Variants in FCHSD2 observed in about 807,000 individuals in gnomAD.
FCHSD2 encodes the protein FCH and double SH3 domains 2, also known as F-BAR and double SH3 domains protein 2.
Under a neutral mutation model 108.1 loss-of-function variants are expected in FCHSD2, and 38 were observed. The ratio of observed to expected loss-of-function variants is 0.35; its 90% CI spans 0.27 to 0.46. The LOEUF (loss-of-function observed/expected upper bound fraction) is 0.46, where lower values mean the gene tolerates loss of function less well. Among genes scored for constraint, FCHSD2 ranks in the 20% least tolerant of loss-of-function variants. FCHSD2 has a pLI of 1.00. For synonymous variants in FCHSD2, 279 were observed against 314.7 expected (o/e 0.89, Z 1.20); for missense variants, 751 against 897.8 (o/e 0.84, Z 2.09).
At chr11:72,879,397 G>C (rs1190191395) in intron 12 of FCHSD2, among the ~76,000 whole-genome samples, 1 of 152,148 alleles carries the variant, frequency 6.6e-6, no homozygotes, top group African/African-American at 2.4e-5. Flanking sequence ...TAAAAACTTA[G>C]TAGGTATTTG....
intron 8 of FCHSD2, among the ~76,000 whole-genome samples, chr11:72,953,779 T>C (rs1321797447): frequency 1.3e-5 from 2 of 152,172 alleles, no homozygotes; most frequent in African/African-American, 4.8e-5. Context: ...AGAGTCACAT[T>C]TGAGCAAAGA....
intron 3 of FCHSD2, among the ~76,000 whole-genome samples, chr11:73,036,344 T>G (rs1858497635): frequency 6.6e-6 from 1 of 151,816 alleles, no homozygotes; most frequent in South Asian, 2.1e-4. Flanking sequence ...AAACCCAAGC[T>G]TCATAATCAC....
chr11:72,868,275 A>G (rs1434772554), intron 12 of FCHSD2, among the ~76,000 whole-genome samples: 1 of 152,188 alleles, frequency 6.6e-6, no homozygotes, highest in Admixed American at 6.5e-5. Flanking sequence ...CCATGTTCTC[A>G]CTTGTAAGTG....
chr11:73,105,193 G>C (rs1860314214), intron 2 of FCHSD2, among the ~76,000 whole-genome samples: 1 of 152,116 alleles, frequency 6.6e-6, no homozygotes, highest in African/African-American at 2.4e-5. Flanking sequence ...TGGTTAGGTG[G>C]GGGGAAGACT....
chr11:73,004,839 CT>C (rs920852870), intron 4 of FCHSD2, among the ~76,000 whole-genome samples: 24 of 152,100 alleles, frequency 1.6e-4, no homozygotes, highest in African/African-American at 5.8e-4. Flanking sequence ...TTCACCCACC[CT>C]TCTACACAAT....
At chr11:72,912,360 T>C (rs6592495) in intron 9 of FCHSD2, among the ~76,000 whole-genome samples, 148,966 of 152,322 alleles carry the variant, frequency 0.98, 72,884 homozygotes, top group East Asian at 1. Context: ...TAAGGGGAGG[T>C]TAAATTTTAT....
intron 3 of FCHSD2, among the ~76,000 whole-genome samples, chr11:73,041,772 T>G (rs1436721995): frequency 1.3e-5 from 2 of 152,100 alleles, no homozygotes; most frequent in Admixed American, 6.5e-5. Flanking sequence ...CAATTTTGTG[T>G]TTTGGTTTGT....
intron 8 of FCHSD2, among the ~76,000 whole-genome samples, chr11:72,981,679 T>G (rs372250808): frequency 6.6e-6 from 1 of 152,154 alleles, no homozygotes; most frequent in Admixed American, 6.5e-5. Context: ...TAATACCTAA[T>G]ACGATACTAA....
chr11:72,875,520 G>A (rs189683434), intron 12 of FCHSD2, among the ~76,000 whole-genome samples: 234 of 152,236 alleles, frequency 1.5e-3, no homozygotes, highest in Non-Finnish European at 2.3e-3. Context: ...TGTAGAGATG[G>A]GGTCTTGCTA....
chr11:72,885,865 G>A lies in FCHSD2; in HGVS notation c.1146+1605C>T, dbSNP rs181640042. Among the ~76,000 whole-genome samples the A allele has an allele frequency of 4.5e-4, 69 of 152,268 alleles. 1 individual carries two copies. Among genetic ancestry groups the A allele is most frequent in the Admixed American group, 2.3e-3 (35 of 15,304 alleles). ...AAAATGACTATTCATTGTACACCCTGCCCTCCTCACTATGGTGGCTGTCAA... is the reference window on the plus strand; with the variant it reads ...AAAATGACTATTCATTGTACACCCTACCCTCCTCACTATGGTGGCTGTCAA... On this transcript the variant is annotated intron_variant, in intron 12 of 19. Coordinates refer to ENST00000409418, the MANE Select transcript of FCHSD2 (RefSeq NM_014824.3).
intron 4 of FCHSD2, among the ~76,000 whole-genome samples, chr11:73,004,783 C>T (rs1857705005): frequency 6.6e-6 from 1 of 152,086 alleles, no homozygotes; most frequent in Admixed American, 6.5e-5. Flanking sequence ...TGCTAGTAAC[C>T]CCTTAGTGCT....
At chr11:73,030,288 T>C (rs948284424) in intron 3 of FCHSD2, among the ~76,000 whole-genome samples, 1 of 152,142 alleles carries the variant, frequency 6.6e-6, no homozygotes, top group Non-Finnish European at 1.5e-5. Context: ...CTAGCATAGA[T>C]TCTAGAAGTA....
At chr11:72,931,666 G>C (rs1856195563) in intron 8 of FCHSD2, among the ~76,000 whole-genome samples, 1 of 151,894 alleles carries the variant, frequency 6.6e-6, no homozygotes, top group African/African-American at 2.4e-5. Context: ...TTGGGAGGTT[G>C]AGTTAGGAGA....
intron 13 of FCHSD2, among the ~76,000 whole-genome samples, chr11:72,860,590 A>C (rs985777174): frequency 6.6e-6 from 1 of 152,200 alleles, no homozygotes; most frequent in African/African-American, 2.4e-5. Flanking sequence ...CACTCCTATA[A>C]TCCTACCACT....
At chr11:73,141,145 C>T (rs967529001) in intron 1 of FCHSD2, 20 of 152,656 alleles carry the variant, frequency 1.3e-4, no homozygotes, top group African/African-American at 4.3e-4. Context: ...AGCGGGGAGA[C>T]TGATGACAAG....
intron 3 of FCHSD2, among the ~76,000 whole-genome samples, chr11:73,079,780 T>C (rs1163082406): frequency 6.6e-6 from 1 of 152,044 alleles, no homozygotes; most frequent in Non-Finnish European, 1.5e-5. Flanking sequence ...AAGGATCATC[T>C]AAAGGGCAAA....
At chr11:73,141,717 C>G in intron 1 of FCHSD2, 140 bp downstream of exon 1, 1 of 879,990 alleles carries the variant, frequency 1.1e-6, no homozygotes, top group East Asian at 3.0e-5. Flanking sequence ...CCACCTGGAG[C>G]CGGCGGCAAG....
At chr11:73,108,072 G>C (rs1397463652) in intron 2 of FCHSD2, among the ~76,000 whole-genome samples, 1 of 152,058 alleles carries the variant, frequency 6.6e-6, no homozygotes, top group South Asian at 2.1e-4. Context: ...ATCCTTGCCG[G>C]TGTTTGTTAC....
intron 2 of FCHSD2, among the ~76,000 whole-genome samples, chr11:73,087,720 AT>A (rs111602928): frequency 2.0e-5 from 3 of 151,602 alleles, no homozygotes; most frequent in Non-Finnish European, 4.4e-5. Flanking sequence ...AAAAAAAAAA[AT>A]TTTTAAAATA....
Sources: gnomAD v4.1 joint callset for allele counts (sites outside exome capture counted in the v4.1 genomes callset) on GRCh38, gnomAD v4.1.1 for gene constraint, MANE v1.5 for transcripts, NCBI Gene and HGNC (gene_info 2026-07-23, HGNC 2026-07-21) for gene names.